The following MIS18BP1 variants were observed in gnomAD, a reference collection of about 807,000 sequenced individuals.
The protein encoded by MIS18BP1 is MIS18 binding protein 1.
Under a neutral mutation model 116.1 loss-of-function variants are expected in MIS18BP1, and 72 were observed. The observed-to-expected ratio is 0.62, with a 90% CI of 0.51 to 0.75. The LOEUF is 0.75. Ranked by LOEUF, MIS18BP1 falls within the 30% of genes least tolerant of loss-of-function variation. The pLI is 0.00. For missense variants in MIS18BP1, 1,363 were observed against 1,303.2 expected (o/e 1.05, Z -0.71); for synonymous variants, 386 against 427.0 (o/e 0.90, Z 1.18).
At chr14:45,214,718 T>G (rs1890768977) in intron 13 of MIS18BP1, among the ~76,000 whole-genome samples, 1 of 152,204 alleles carries the variant, frequency 6.6e-6, no homozygotes, top group Non-Finnish European at 1.5e-5. Context: ...TGATATAATT[T>G]GTTGCTGTCT....
At chr14:45,204,558 T>C (rs1391428072) in intron 15 of MIS18BP1, 105 bp from the exon 16 acceptor site, 7 of 714,534 alleles carry the variant, frequency 9.8e-6, no homozygotes, top group Non-Finnish European at 1.6e-5. Flanking sequence ...TTTGAACATA[T>C]GCCTATAACA....
Position 45,242,379 on chromosome 14 carries a change from G to A in MIS18BP1, c.798C>T (p.Asp266=). ...AATCAACGCTTTCTAAAACAAACGT[G>A]TCCTTTTTGGATTTAGTGGTTGCAA... ...SIVATTKSKK[D]TFVLESVDSA... Residue 266 remains aspartate (D), a synonymous_variant, in exon 4 of 17, where the codon GAC becomes GAT. Coordinates refer to ENST00000310806, the MANE Select transcript of MIS18BP1 (RefSeq NM_018353.5). 2 of 1,613,896 alleles carry A rather than the reference G, an allele frequency of 1.2e-6. No homozygotes were observed. Among genetic ancestry groups the A allele is most frequent in the Non-Finnish European group, 1.7e-6 (2 of 1,179,982 alleles).
intron 13 of MIS18BP1, among the ~76,000 whole-genome samples, chr14:45,213,174 G>C (rs1890722463): frequency 6.6e-6 from 1 of 152,166 alleles, no homozygotes; most frequent in African/African-American, 2.4e-5. Flanking sequence ...AAAGTGCTGG[G>C]ACTACAGGCA....
chr14:45,232,656 A>G (rs774678248), intron 7 of MIS18BP1, 77 bp downstream of exon 7: 1 of 812,944 alleles, frequency 1.2e-6, no homozygotes, highest in Admixed American at 2.6e-5. Flanking sequence ...TTAGCTGGAC[A>G]TGGTGGCACA....
Position 45,223,842 on chromosome 14 carries a change from C to G in MIS18BP1, c.2669+76G>C, listed in dbSNP as rs1235034273. ...TTAATGACATCTTCCATGTTAACCC[C>G]TTATTGCTATTTTTATGTCTTTAAC... On this transcript the variant is annotated intron_variant, in intron 11 of 16. Transcript: ENST00000310806. 32 of 1,100,942 alleles carry G rather than the reference C, an allele frequency of 2.9e-5. No individual in the cohort carries two copies. The East Asian group carries it at 7.6e-4, about 26-fold the overall frequency. 68.2% of individuals were successfully genotyped at this position (1,100,942 alleles called of 1,614,324 possible).
intron 11 of MIS18BP1, among the ~76,000 whole-genome samples, chr14:45,221,395 C>T (rs1370655304): frequency 6.6e-6 from 1 of 152,090 alleles, no homozygotes; most frequent in Middle Eastern, 3.2e-3. Flanking sequence ...AGAGATCGCG[C>T]CACTTCACTC....
At chr14:45,207,838 C>T (rs1006783567) in intron 14 of MIS18BP1, among the ~76,000 whole-genome samples, 2 of 151,950 alleles carry the variant, frequency 1.3e-5, no homozygotes, top group Admixed American at 1.3e-4. Context: ...GTGAAGAAGC[C>T]TAAGAAAATC....
At chr14:45,247,690 A>T (rs1447200109) in intron 1 of MIS18BP1, among the ~76,000 whole-genome samples, 1 of 152,062 alleles carries the variant, frequency 6.6e-6, no homozygotes, top group African/African-American at 2.4e-5. Flanking sequence ...ACAGAGCAAG[A>T]CCTTGTCTCA....
At chr14:45,243,305 T>C (rs556338112) in intron 2 of MIS18BP1, among the ~76,000 whole-genome samples, 25 of 152,302 alleles carry the variant, frequency 1.6e-4, no homozygotes, top group Admixed American at 3.9e-4. Flanking sequence ...AGTCGAAGAA[T>C]TGTAACTTAT....
At chr14:45,238,926 T>C (rs1331901847) in intron 4 of MIS18BP1, among the ~76,000 whole-genome samples, 1 of 152,186 alleles carries the variant, frequency 6.6e-6, no homozygotes, top group Non-Finnish European at 1.5e-5. Context: ...CAAATATGGC[T>C]TCTGTTTTTA....
chr14:45,215,861 T>G (rs1222104554), intron 13 of MIS18BP1, among the ~76,000 whole-genome samples: 3 of 151,734 alleles, frequency 2.0e-5, no homozygotes, highest in Non-Finnish European at 4.4e-5. Flanking sequence ...GCCGCCACCA[T>G]GCCTAGCTAA....
At chr14:45,243,503 C>T (rs111710182) in intron 2 of MIS18BP1, among the ~76,000 whole-genome samples, 3,513 of 151,854 alleles carry the variant, frequency 0.023, 74 homozygotes, top group South Asian at 0.035. Flanking sequence ...TAATGTTTCT[C>T]GAATGTAGTT....
At chr14:45,207,577 G>A (rs1275544557) in intron 14 of MIS18BP1, among the ~76,000 whole-genome samples, 1 of 152,134 alleles carries the variant, frequency 6.6e-6, no homozygotes, top group Non-Finnish European at 1.5e-5. Context: ...CTTGAACCTG[G>A]TAGATGGAGG....
At chr14:45,218,159 T>C (rs1050727919) in intron 12 of MIS18BP1, 123 bp downstream of exon 12, 2 of 1,094,228 alleles carry the variant, frequency 1.8e-6, no homozygotes, top group Admixed American at 6.3e-5. Context: ...AAATTCTCTC[T>C]AGCTTTAAAA....
intron 6 of MIS18BP1, among the ~76,000 whole-genome samples, chr14:45,233,025 T>C (rs1042183069): frequency 2.6e-5 from 4 of 152,120 alleles, no homozygotes; most frequent in African/African-American, 9.7e-5. Context: ...TGGAAAAAAG[T>C]AGCTAACCAA....
chr14:45,204,599 A>G (rs2139131723), intron 15 of MIS18BP1, 146 bp from the exon 16 acceptor site: 4 of 561,770 alleles, frequency 7.1e-6, no homozygotes, highest in African/African-American at 5.9e-5. Flanking sequence ...TATCTGTGAA[A>G]TGCATAATTC....
intron 11 of MIS18BP1, among the ~76,000 whole-genome samples, chr14:45,221,234 C>T (rs929793590): frequency 5.9e-5 from 9 of 152,150 alleles, no homozygotes; most frequent in South Asian, 2.1e-4. Context: ...GTCAGGAGAT[C>T]GAGACCATCC....
chr14:45,218,051 C>T (rs1032458246), intron 12 of MIS18BP1, among the ~76,000 whole-genome samples: 3 of 152,170 alleles, frequency 2.0e-5, no homozygotes, highest in Admixed American at 6.5e-5. Flanking sequence ...CTGGATCTAA[C>T]TGCAGAATTC....
chr14:45,235,793 T>C (rs1891411848), intron 6 of MIS18BP1, 21 bp downstream of exon 6: 1 of 1,571,406 alleles, frequency 6.4e-7, no homozygotes, highest in African/African-American at 1.4e-5. Flanking sequence ...AAATAACTTA[T>C]CAATAATGAC....
Sources: allele counts gnomAD v4.1 joint callset (sites outside exome capture counted in the v4.1 genomes callset), GRCh38; gene constraint gnomAD v4.1.1; transcripts MANE v1.5; gene names NCBI Gene and HGNC (gene_info 2026-07-23, HGNC 2026-07-21).